Variants in CTNNA3 observed in about 807,000 individuals in gnomAD.
The protein encoded by CTNNA3 is catenin alpha-3.
Under a neutral mutation model 95.7 loss-of-function variants are expected in CTNNA3, and 76 were observed. That is an observed-to-expected ratio of 0.79 (90% confidence interval 0.66 to 0.96). The LOEUF is 0.96. Ranked by LOEUF, CTNNA3 falls within the 40% of genes least tolerant of loss-of-function variation. The pLI is 0.00. For missense variants in CTNNA3, 1,191 were observed against 1,089.8 expected (o/e 1.09, Z -1.31); for synonymous variants, 431 against 374.4 (o/e 1.15, Z -1.74).
intron 9 of CTNNA3, among the ~76,000 whole-genome samples, chr10:66,719,478 T>C (rs1331497064): frequency 6.6e-6 from 1 of 152,174 alleles, no homozygotes; most frequent in Non-Finnish European, 1.5e-5. Flanking sequence ...AATTTTAGTA[T>C]CAGCCTGCAG....
At position 67,225,597 on chromosome 10, in the gene CTNNA3, T is replaced by C. The variant is rs186093451; in HGVS notation, c.580-5727A>G. ...CCAACCCAGAGCAGGGTAGACTTGC[T>C]GGGTGGCTAGACCCAGAAGAGAGAC... is the stretch of plus-strand genomic sequence containing the variant. On this transcript the variant is annotated intron_variant, in intron 5 of 17. Coordinates refer to ENST00000433211, the MANE Select transcript of CTNNA3 (RefSeq NM_013266.4). Among the ~76,000 whole-genome samples the C allele has an allele frequency of 2.1e-3, 326 of 152,256 alleles. 2 individuals carry two copies. Among genetic ancestry groups the C allele is most frequent in the African/African-American group, 7.2e-3 (300 of 41,540 alleles).
chr10:67,162,274 A>G (rs1279113934), intron 7 of CTNNA3, among the ~76,000 whole-genome samples: 1 of 152,044 alleles, frequency 6.6e-6, no homozygotes, highest in African/African-American at 2.4e-5. Context: ...CAAATTCTCA[A>G]GACCACGAGT....
chr10:66,768,470 G>C (rs931366173), intron 8 of CTNNA3, among the ~76,000 whole-genome samples: 1 of 152,112 alleles, frequency 6.6e-6, no homozygotes, highest in African/African-American at 2.4e-5. Context: ...AAGAAACAAA[G>C]AGACAAATTA....
chr10:66,527,174 A>G (rs757804492), intron 10 of CTNNA3, among the ~76,000 whole-genome samples: 8 of 152,176 alleles, frequency 5.3e-5, no homozygotes, highest in Non-Finnish European at 1.0e-4. Context: ...TGTTGAAAAG[A>G]CTATCCTTTA....
At chr10:66,339,523 TA>T (rs2092431360) in intron 12 of CTNNA3, among the ~76,000 whole-genome samples, 1 of 151,748 alleles carries the variant, frequency 6.6e-6, no homozygotes, top group Non-Finnish European at 1.5e-5. Context: ...TAAGCTAAAA[TA>T]AAAAGATAGA....
chr10:67,734,042 T>C (rs1295889762), intron 1 of CTNNA3, among the ~76,000 whole-genome samples: 1 of 152,192 alleles, frequency 6.6e-6, no homozygotes, highest in Non-Finnish European at 1.5e-5. Flanking sequence ...AATTTATATC[T>C]AGCCTAAATT....
intron 7 of CTNNA3, among the ~76,000 whole-genome samples, chr10:67,034,466 G>C (rs1853919797): frequency 6.6e-6 from 1 of 152,116 alleles, no homozygotes. Flanking sequence ...CTAGTGTCCA[G>C]TGCCTATACT....
intron 7 of CTNNA3, among the ~76,000 whole-genome samples, chr10:67,113,560 G>A (rs1859013777): frequency 6.6e-6 from 1 of 152,134 alleles, no homozygotes; most frequent in African/African-American, 2.4e-5. Flanking sequence ...ATTTTCAAAA[G>A]AGTCAGCAAG....
At chr10:66,398,492 G>A (rs768028239) in intron 11 of CTNNA3, among the ~76,000 whole-genome samples, 1 of 151,776 alleles carries the variant, frequency 6.6e-6, no homozygotes, top group African/African-American at 2.4e-5. Flanking sequence ...ATGAAAGACA[G>A]TAACGCATAG....
chr10:66,181,958 T>C (rs1301341305), intron 13 of CTNNA3, among the ~76,000 whole-genome samples: 1 of 152,212 alleles, frequency 6.6e-6, no homozygotes, highest in East Asian at 1.9e-4. Context: ...CAGGATGATA[T>C]CATATTGTTC....
At chr10:66,402,501 T>G (rs772714827) in intron 11 of CTNNA3, among the ~76,000 whole-genome samples, 6 of 152,198 alleles carry the variant, frequency 3.9e-5, no homozygotes. Context: ...ACTTTGTAAA[T>G]TATTTTCAGT....
At chr10:66,726,818 T>C (rs1848797046) in intron 9 of CTNNA3, among the ~76,000 whole-genome samples, 1 of 152,102 alleles carries the variant, frequency 6.6e-6, no homozygotes, top group Non-Finnish European at 1.5e-5. Flanking sequence ...GTTTCATATG[T>C]AAGTAAAGAC....
intron 17 of CTNNA3, among the ~76,000 whole-genome samples, chr10:65,965,870 C>T (rs532468312): frequency 1.1e-4 from 17 of 152,108 alleles, no homozygotes; most frequent in Admixed American, 4.6e-4. Flanking sequence ...TATAAATTCC[C>T]AGAATATTTA....
chr10:67,442,903 T>C (rs1298565926), intron 5 of CTNNA3, among the ~76,000 whole-genome samples: 1 of 150,312 alleles, frequency 6.7e-6, no homozygotes, highest in Non-Finnish European at 1.5e-5. Context: ...CATTAACTTG[T>C]CATTTAGCAT....
chr10:67,208,508 C>T (rs1474490465), intron 6 of CTNNA3, among the ~76,000 whole-genome samples: 1 of 151,810 alleles, frequency 6.6e-6, no homozygotes, highest in African/African-American at 2.4e-5. Flanking sequence ...ACATCAAAAT[C>T]AGTGACCAGA....
intron 5 of CTNNA3, among the ~76,000 whole-genome samples, chr10:67,465,795 G>C (rs1235252222): frequency 6.6e-6 from 1 of 152,078 alleles, no homozygotes; most frequent in Non-Finnish European, 1.5e-5. Context: ...TACTGCACAT[G>C]CACAAAAAAT....
At chr10:66,526,476 T>C (rs1239570627) in intron 10 of CTNNA3, among the ~76,000 whole-genome samples, 1 of 152,154 alleles carries the variant, frequency 6.6e-6, no homozygotes, top group Non-Finnish European at 1.5e-5. Flanking sequence ...CGTGAGCCAC[T>C]GTGCGAAGAC....
intron 1 of CTNNA3, among the ~76,000 whole-genome samples, chr10:67,759,007 A>T (rs1242770218): frequency 6.6e-6 from 1 of 152,098 alleles, no homozygotes; most frequent in Non-Finnish European, 1.5e-5. Flanking sequence ...TAAGCTGCTT[A>T]GGTAGGAAAA....
chr10:66,958,199 T>C (rs1306806098), intron 7 of CTNNA3, among the ~76,000 whole-genome samples: 1 of 149,588 alleles, frequency 6.7e-6, no homozygotes, highest in Non-Finnish European at 1.5e-5. Flanking sequence ...AGGAAGAAAA[T>C]AAATATTCTA....
Sources: gnomAD v4.1 joint callset for allele counts (sites outside exome capture counted in the v4.1 genomes callset) on GRCh38, gnomAD v4.1.1 for gene constraint, MANE v1.5 for transcripts, NCBI Gene and HGNC (gene_info 2026-07-23, HGNC 2026-07-21) for gene names.